Variants in TNFAIP8 observed in about 807,000 individuals in gnomAD.
TNFAIP8 encodes TNF alpha induced protein 8, also known as tumor necrosis factor alpha-induced protein 8.
A neutral mutation model predicts 13.3 loss-of-function variants in TNFAIP8; 7 were observed. That is an observed-to-expected ratio of 0.52 (90% CI 0.30 to 0.99). The LOEUF (loss-of-function observed/expected upper bound fraction) is 0.99. Ranked by LOEUF, TNFAIP8 falls within the 50% of genes least tolerant of loss-of-function variation. The pLI is 0.07. For synonymous variants in TNFAIP8, 94 were observed against 87.6 expected (o/e 1.07, Z -0.41); for missense variants, 258 against 236.9 (o/e 1.09, Z -0.58).
At chr5:119,313,064 A>G (rs1428460300) in intron 1 of TNFAIP8, among the ~76,000 whole-genome samples, 3 of 152,208 alleles carry the variant, frequency 2.0e-5, no homozygotes, top group Non-Finnish European at 4.4e-5. Context: ...AAGAACCTCA[A>G]TGAAGATGGG....
At chr5:119,285,064 A>C (rs879685051) in intron 1 of TNFAIP8, among the ~76,000 whole-genome samples, 3 of 152,202 alleles carry the variant, frequency 2.0e-5, no homozygotes, top group Non-Finnish European at 2.9e-5. Context: ...TATCATAGAG[A>C]AATTTTGCTT....
At chr5:119,274,078 A>T (rs1356994918) in intron 1 of TNFAIP8, among the ~76,000 whole-genome samples, 1 of 152,144 alleles carries the variant, frequency 6.6e-6, no homozygotes, top group Non-Finnish European at 1.5e-5. Flanking sequence ...TGTCAACAAA[A>T]ATAGGGGAGA....
At chr5:119,333,572 T>A (rs772739855) in intron 1 of TNFAIP8, 1 of 1,535,476 alleles carries the variant, frequency 6.5e-7, no homozygotes, top group Admixed American at 2.0e-5. Context: ...TGTATGACTC[T>A]ACCAAGATAC....
upstream of TNFAIP8, among the ~76,000 whole-genome samples, chr5:119,351,315 G>A (rs538540377): frequency 1.1e-4 from 16 of 152,146 alleles, no homozygotes; most frequent in South Asian, 3.3e-3. Context: ...TCATGAGCCA[G>A]TGTGCCCAGC....
chr5:119,287,450 A>G (rs921034090), intron 1 of TNFAIP8, among the ~76,000 whole-genome samples: 1 of 152,120 alleles, frequency 6.6e-6, no homozygotes, highest in African/African-American at 2.4e-5. Flanking sequence ...GTGTGTGTGT[A>G]TGTGTGGTGG....
At chr5:119,315,649 T>C (rs1749870232) in intron 1 of TNFAIP8, among the ~76,000 whole-genome samples, 1 of 152,176 alleles carries the variant, frequency 6.6e-6, no homozygotes, top group African/African-American at 2.4e-5. Flanking sequence ...CTGAGGAAGC[T>C]GGCAGAAGAC....
chr5:119,301,400 G>A (rs1252357698), intron 1 of TNFAIP8, among the ~76,000 whole-genome samples: 1 of 152,004 alleles, frequency 6.6e-6, no homozygotes, highest in Non-Finnish European at 1.5e-5. Flanking sequence ...AGTCTTCAAA[G>A]CCCCAAATAA....
chr5:119,390,941 C>T (rs1309503305), intron 1 of TNFAIP8, among the ~76,000 whole-genome samples: 1 of 151,958 alleles, frequency 6.6e-6, no homozygotes, highest in Non-Finnish European at 1.5e-5. Flanking sequence ...ACCTCCAACT[C>T]CCTAGTAACT....
chr5:119,293,441 T>C (rs966744047), intron 1 of TNFAIP8, among the ~76,000 whole-genome samples: 1 of 152,208 alleles, frequency 6.6e-6, no homozygotes, highest in African/African-American at 2.4e-5. Context: ...TGAGATCATG[T>C]GGTGTTTGTC....
At chr5:119,326,691 A>C (rs2112698744) in intron 1 of TNFAIP8, among the ~76,000 whole-genome samples, 1 of 152,286 alleles carries the variant, frequency 6.6e-6, no homozygotes, top group South Asian at 2.1e-4. Flanking sequence ...CTAAGTAAGA[A>C]GCACAGGAAG....
At chr5:119,307,135 CA>C (rs1412460420) in intron 1 of TNFAIP8, among the ~76,000 whole-genome samples, 2 of 152,138 alleles carry the variant, frequency 1.3e-5, no homozygotes, top group African/African-American at 4.8e-5. Flanking sequence ...AACATCAGTT[CA>C]TATTAGGAAG....
chr5:119,390,233 A>G (rs1460851559), intron 1 of TNFAIP8, among the ~76,000 whole-genome samples: 2 of 152,202 alleles, frequency 1.3e-5, no homozygotes, highest in African/African-American at 4.8e-5. Context: ...TCAACTTTAT[A>G]TGTAATATAT....
chr5:119,351,782 C>CTTT (rs1751164552), upstream of TNFAIP8, among the ~76,000 whole-genome samples: 1 of 137,362 alleles, frequency 7.3e-6, no homozygotes, highest in African/African-American at 3.4e-5. Flanking sequence ...TCTTTCTTTT[C>CTTT]TTTTTCTTTT....
At chr5:119,340,431 T>C (rs1422428399) in intron 1 of TNFAIP8, among the ~76,000 whole-genome samples, 1 of 152,168 alleles carries the variant, frequency 6.6e-6, no homozygotes, top group Non-Finnish European at 1.5e-5. Context: ...GGGAGGCTGG[T>C]TGCAGAAAGG....
At chr5:119,356,297 T>C (rs538353873) in intron 1 of TNFAIP8, among the ~76,000 whole-genome samples, 176 bp downstream of exon 1, 460 of 152,184 alleles carry the variant, frequency 3.0e-3, no homozygotes, top group African/African-American at 0.011. Context: ...CATCTTGGGC[T>C]CCCTTCTCCC....
At chr5:119,360,298 G>A (rs1354718723) in intron 1 of TNFAIP8, among the ~76,000 whole-genome samples, 1 of 152,172 alleles carries the variant, frequency 6.6e-6, no homozygotes, top group East Asian at 1.9e-4. Flanking sequence ...CTGCAGAATT[G>A]CTGGATTTAC....
exon 1 of TNFAIP8, chr5:119,268,768 C>T (rs902669404): frequency 1.5e-5 from 10 of 671,600 alleles, no homozygotes; most frequent in African/African-American, 3.7e-5. Flanking sequence ...CCTCTGCCTC[C>T]TTTTCTCCCG....
At chr5:119,274,148 C>T (rs1473860710) in intron 1 of TNFAIP8, among the ~76,000 whole-genome samples, 1 of 152,098 alleles carries the variant, frequency 6.6e-6, no homozygotes, top group Non-Finnish European at 1.5e-5. Flanking sequence ...GTCCTGAGCT[C>T]TCTTCTGACT....
chr5:119,343,849 C>G (rs1180693359), intron 1 of TNFAIP8, among the ~76,000 whole-genome samples: 1 of 152,204 alleles, frequency 6.6e-6, no homozygotes, highest in Non-Finnish European at 1.5e-5. Context: ...CCAGCAGCAG[C>G]TGCCCCCGCT....
Sources: allele counts gnomAD v4.1 joint callset (sites outside exome capture counted in the v4.1 genomes callset), GRCh38; gene constraint gnomAD v4.1.1; transcripts MANE v1.5; gene names NCBI Gene and HGNC (gene_info 2026-07-23, HGNC 2026-07-21).